The following ESRRG variants were observed in gnomAD, a reference collection of about 807,000 sequenced individuals.
The protein encoded by ESRRG is estrogen-related receptor gamma.
In ESRRG, 13 loss-of-function variants were observed where a neutral mutation model predicts 44.0. The observed-to-expected ratio is 0.30, with a 90% confidence interval of 0.19 to 0.47. The LOEUF is 0.47. ESRRG is among the 20% of genes least tolerant of loss of function. The pLI is 1.00. For missense variants in ESRRG, 395 were observed against 580.6 expected (o/e 0.68, Z 3.29); for synonymous variants, 215 against 214.6 (o/e 1.00, Z -0.02).
At chr1:216,830,606 AAGATGC>A (rs1306162575) in intron 2 of ESRRG, among the ~76,000 whole-genome samples, 2 of 152,248 alleles carry the variant, frequency 1.3e-5, no homozygotes, top group East Asian at 3.9e-4. Flanking sequence ...TGCAGGTTGT[AAGATGC>A]AGGATCTTGG....
At chr1:216,795,745 G>A (rs1446117970) in intron 2 of ESRRG, among the ~76,000 whole-genome samples, 1 of 152,104 alleles carries the variant, frequency 6.6e-6, no homozygotes, top group Admixed American at 6.6e-5. Context: ...GGTAAAGATT[G>A]TGATGTCTCC....
chr1:216,663,434 A>T (rs1438004639), intron 2 of ESRRG, among the ~76,000 whole-genome samples: 1 of 152,308 alleles, frequency 6.6e-6, no homozygotes, highest in East Asian at 1.9e-4. Context: ...AGGTAAATTC[A>T]TATTTTCAGC....
chr1:217,028,163 G>A (rs1211248464), intron 1 of ESRRG, among the ~76,000 whole-genome samples: 1 of 152,030 alleles, frequency 6.6e-6, no homozygotes, highest in Non-Finnish European at 1.5e-5. Flanking sequence ...AACCTACAAA[G>A]GGATATCGGT....
intron 1 of ESRRG, among the ~76,000 whole-genome samples, chr1:217,006,432 A>T (rs2077748244): frequency 6.6e-6 from 1 of 152,158 alleles, no homozygotes; most frequent in South Asian, 2.1e-4. Flanking sequence ...ATATACATAT[A>T]ACTTCAATAA....
intron 2 of ESRRG, among the ~76,000 whole-genome samples, chr1:216,740,957 G>T (rs902040965): frequency 6.6e-6 from 1 of 151,424 alleles, no homozygotes; most frequent in Non-Finnish European, 1.5e-5. Context: ...CTATTTCATT[G>T]GGCAGAATTT....
chr1:216,965,017 G>C (rs1358886201), intron 1 of ESRRG, among the ~76,000 whole-genome samples: 1 of 152,140 alleles, frequency 6.6e-6, no homozygotes, highest in Non-Finnish European at 1.5e-5. Context: ...TTTTTTAAAA[G>C]AAATTCCATT....
chr1:216,580,036 C>T (rs1164424154), intron 3 of ESRRG, among the ~76,000 whole-genome samples: 1 of 152,126 alleles, frequency 6.6e-6, no homozygotes, highest in Non-Finnish European at 1.5e-5. Flanking sequence ...AAATGACATA[C>T]TAATTGAAAA....
chr1:216,909,132 TG>T (rs1222023828), intron 2 of ESRRG, among the ~76,000 whole-genome samples: 1 of 152,188 alleles, frequency 6.6e-6, no homozygotes, highest in Non-Finnish European at 1.5e-5. Context: ...TGAGACCCAA[TG>T]GTGTGACTTT....
intron 2 of ESRRG, among the ~76,000 whole-genome samples, chr1:216,671,373 G>T (rs1333096120): frequency 2.0e-5 from 3 of 152,152 alleles, no homozygotes; most frequent in African/African-American, 4.8e-5. Flanking sequence ...GGGAGAGAGG[G>T]TTTACGATCA....
intron 2 of ESRRG, among the ~76,000 whole-genome samples, chr1:216,667,984 C>A (rs2074337728): frequency 1.3e-5 from 2 of 151,590 alleles, no homozygotes; most frequent in Non-Finnish European, 2.9e-5. Context: ...GTAATCCCAG[C>A]CACTCAGAAG....
intron 1 of ESRRG, among the ~76,000 whole-genome samples, chr1:217,019,969 C>A (rs1357878200): frequency 1.3e-5 from 2 of 152,082 alleles, no homozygotes; most frequent in Non-Finnish European, 2.9e-5. Flanking sequence ...TACTTTTTTA[C>A]CTGAGGATCA....
intron 2 of ESRRG, among the ~76,000 whole-genome samples, chr1:216,814,987 C>A (rs974811533): frequency 1.3e-5 from 2 of 152,110 alleles, no homozygotes; most frequent in Non-Finnish European, 2.9e-5. Context: ...TATTTCTTAC[C>A]ATTATTTTCT....
chr1:216,961,900 A>G (rs1027402599), intron 1 of ESRRG, among the ~76,000 whole-genome samples: 3 of 152,140 alleles, frequency 2.0e-5, no homozygotes, highest in Non-Finnish European at 4.4e-5. Flanking sequence ...CACAAAATAA[A>G]TTGTGACATA....
At chr1:217,116,007 T>C (rs997750367) in intron 1 of ESRRG, among the ~76,000 whole-genome samples, 7 of 152,068 alleles carry the variant, frequency 4.6e-5, no homozygotes, top group Non-Finnish European at 1.0e-4. Flanking sequence ...AGACTAGCAG[T>C]TTTGAGGATA....
chr1:216,809,545 A>T (rs1479995784), intron 2 of ESRRG, among the ~76,000 whole-genome samples: 1 of 152,196 alleles, frequency 6.6e-6, no homozygotes, highest in Non-Finnish European at 1.5e-5. Flanking sequence ...GAAATTTAAG[A>T]ACATTTTAAG....
At chr1:216,696,459 C>A (rs2151806776) in intron 1 of ESRRG, among the ~76,000 whole-genome samples, 1 of 152,020 alleles carries the variant, frequency 6.6e-6, no homozygotes, top group Non-Finnish European at 1.5e-5. Flanking sequence ...GACTATTTGA[C>A]CCCAAAATAA....
chr1:217,054,831 G>T (rs1050094894), intron 1 of ESRRG, among the ~76,000 whole-genome samples: 1 of 152,186 alleles, frequency 6.6e-6, no homozygotes, highest in East Asian at 1.9e-4. Context: ...GGAAGCTACG[G>T]TCATTGATTA....
intron 5 of ESRRG, among the ~76,000 whole-genome samples, chr1:216,562,408 C>G (rs762457999): frequency 6.6e-6 from 1 of 152,136 alleles, no homozygotes; most frequent in Non-Finnish European, 1.5e-5. Context: ...TTACCTCTCT[C>G]TACCTCAAAT....
At chr1:217,134,986 G>A (rs978537550) in intron 1 of ESRRG, among the ~76,000 whole-genome samples, 12 of 152,198 alleles carry the variant, frequency 7.9e-5, no homozygotes, top group African/African-American at 2.9e-4. Flanking sequence ...CTCTATTTCC[G>A]GCTAGTCCCA....
Sources: allele counts gnomAD v4.1 joint callset (sites outside exome capture counted in the v4.1 genomes callset), GRCh38; gene constraint gnomAD v4.1.1; transcripts MANE v1.5; gene names NCBI Gene and HGNC (gene_info 2026-07-23, HGNC 2026-07-21).